The following CORO2B variants were observed in gnomAD, a reference collection of about 807,000 sequenced individuals.
CORO2B encodes coronin-2B.
In CORO2B, 26 loss-of-function variants were observed where a neutral mutation model predicts 58.8. The observed-to-expected ratio is 0.44, with a 90% CI of 0.32 to 0.61. CORO2B has a LOEUF of 0.61. Ranked by LOEUF, CORO2B falls within the 20% of genes least tolerant of loss-of-function variation. The pLI is 0.04. For missense variants in CORO2B, 460 were observed against 645.1 expected (o/e 0.71, Z 3.11); for synonymous variants, 242 against 253.8 (o/e 0.95, Z 0.44).
intron 1 of CORO2B, among the ~76,000 whole-genome samples, chr15:68,623,184 T>C (rs899271189): frequency 6.6e-6 from 1 of 151,902 alleles, no homozygotes; most frequent in African/African-American, 2.4e-5. Flanking sequence ...AAAATAAAAT[T>C]TAAATTAAAA....
chr15:68,680,317 C>G (rs1902738542), intron 2 of CORO2B, among the ~76,000 whole-genome samples: 2 of 152,306 alleles, frequency 1.3e-5, no homozygotes, highest in South Asian at 2.1e-4. Flanking sequence ...GTCTCACACT[C>G]TGCTGGAAAC....
At chr15:68,666,718 CA>C (rs1902203249) in intron 2 of CORO2B, among the ~76,000 whole-genome samples, 2 of 152,098 alleles carry the variant, frequency 1.3e-5, no homozygotes, top group Non-Finnish European at 2.9e-5. Context: ...GGGAAGGGGC[CA>C]AGGGAGTTTT....
the CORO2B span, among the ~76,000 whole-genome samples, chr15:68,564,549 C>T: frequency 1.3e-5 from 2 of 152,084 alleles, no homozygotes; most frequent in Non-Finnish European, 2.9e-5. Context: ...TAGGCTCAAG[C>T]GATTGGCCTG....
intron 5 of CORO2B, among the ~76,000 whole-genome samples, chr15:68,711,987 C>A (rs1344001932): frequency 6.6e-6 from 1 of 152,172 alleles, no homozygotes; most frequent in East Asian, 1.9e-4. Flanking sequence ...ACTGGTGACA[C>A]CCTTCAGTGC....
At chr15:68,697,346 A>T (rs897506219) in intron 3 of CORO2B, among the ~76,000 whole-genome samples, 1 of 152,240 alleles carries the variant, frequency 6.6e-6, no homozygotes, top group Non-Finnish European at 1.5e-5. Context: ...AGATGACTGT[A>T]TGACAGGTGG....
At chr15:68,674,392 G>A (rs955632077) in intron 2 of CORO2B, among the ~76,000 whole-genome samples, 8 of 152,220 alleles carry the variant, frequency 5.3e-5, no homozygotes, top group African/African-American at 1.7e-4. Flanking sequence ...CTGTAACTCG[G>A]GACTGAAGCC....
At chr15:68,522,154 A>T in the CORO2B span, among the ~76,000 whole-genome samples, 1 of 152,030 alleles carries the variant, frequency 6.6e-6, no homozygotes, top group African/African-American at 2.4e-5. Flanking sequence ...TAATTTTCAA[A>T]GATTCACAAT....
intron 1 of CORO2B, among the ~76,000 whole-genome samples, chr15:68,635,881 C>T (rs968219528): frequency 2.0e-5 from 3 of 152,070 alleles, no homozygotes; most frequent in African/African-American, 7.2e-5. Flanking sequence ...TTCCCTCACT[C>T]GTATATTTAT....
At chr15:68,590,356 GC>G (rs796453831) in intron 1 of CORO2B, among the ~76,000 whole-genome samples, 1 of 152,116 alleles carries the variant, frequency 6.6e-6, no homozygotes, top group South Asian at 2.1e-4. Context: ...TTCGGAGGCT[GC>G]CCCCCCATGC....
chr15:68,676,307 G>A (rs532018572), intron 2 of CORO2B, among the ~76,000 whole-genome samples: 221 of 152,326 alleles, frequency 1.5e-3, no homozygotes, highest in African/African-American at 4.9e-3. Context: ...AGGGACATAG[G>A]AGTCATGATG....
chr15:68,524,821 T>C, the CORO2B span, among the ~76,000 whole-genome samples: 1 of 152,226 alleles, frequency 6.6e-6, no homozygotes, highest in South Asian at 2.1e-4. Context: ...AAATACACAG[T>C]AGATGCTCTG....
chr15:68,647,566 G>A (rs920233347), intron 2 of CORO2B, among the ~76,000 whole-genome samples: 1 of 152,006 alleles, frequency 6.6e-6, no homozygotes, highest in African/African-American at 2.4e-5. Flanking sequence ...GCACATGCCT[G>A]TAATTCCGGC....
At chr15:68,604,446 C>T (rs1900058607) in intron 1 of CORO2B, among the ~76,000 whole-genome samples, 1 of 151,966 alleles carries the variant, frequency 6.6e-6, no homozygotes, top group South Asian at 2.1e-4. Flanking sequence ...TGAGGATAGC[C>T]CTAAGAATGC....
the CORO2B span, among the ~76,000 whole-genome samples, chr15:68,522,224 G>T: frequency 6.6e-6 from 1 of 152,152 alleles, no homozygotes; most frequent in Admixed American, 6.5e-5. Context: ...TGAATCTCTA[G>T]CTTGATGTCT....
the CORO2B span, among the ~76,000 whole-genome samples, chr15:68,566,486 C>G: frequency 6.6e-6 from 1 of 152,132 alleles, no homozygotes; most frequent in African/African-American, 2.4e-5. Flanking sequence ...ATGAGAGGTG[C>G]CTGCAGGGAT....
chr15:68,723,476 A>T (rs1455331687), intron 11 of CORO2B, among the ~76,000 whole-genome samples: 1 of 150,690 alleles, frequency 6.6e-6, no homozygotes, highest in Non-Finnish European at 1.5e-5. Flanking sequence ...TTGTTTTGAG[A>T]TGGAGTCTCA....
intron 2 of CORO2B, among the ~76,000 whole-genome samples, chr15:68,659,627 T>C (rs573392172): frequency 6.6e-6 from 1 of 152,072 alleles, no homozygotes; most frequent in African/African-American, 2.4e-5. Context: ...TAAGTGGAAG[T>C]GAATCATTAT....
intron 1 of CORO2B, chr15:68,641,640 T>C (rs1901234884): frequency 3.1e-6 from 3 of 968,570 alleles, no homozygotes; most frequent in Non-Finnish European, 3.7e-6. Context: ...CAGGTCAGCA[T>C]GTCCTGTGCT....
At chr15:68,663,801 G>A (rs185490183) in intron 2 of CORO2B, among the ~76,000 whole-genome samples, 1 of 152,136 alleles carries the variant, frequency 6.6e-6, no homozygotes, top group Admixed American at 6.5e-5. Context: ...CCTGTGAAAA[G>A]GTACTACTTT....
Sources: allele counts gnomAD v4.1 joint callset (sites outside exome capture counted in the v4.1 genomes callset), GRCh38; gene constraint gnomAD v4.1.1; transcripts MANE v1.5; gene names NCBI Gene and HGNC (gene_info 2026-07-23, HGNC 2026-07-21).